The following ARSJ variants were observed in gnomAD, a reference collection of about 807,000 sequenced individuals.
ARSJ encodes the protein arylsulfatase family member J, also known as arylsulfatase J.
A neutral mutation model predicts 35.9 loss-of-function variants in ARSJ; 26 were observed. The observed-to-expected ratio is 0.72, with a 90% confidence interval of 0.53 to 1.00. The LOEUF (loss-of-function observed/expected upper bound fraction) is 1.00. ARSJ is among the 50% of genes least tolerant of loss of function. ARSJ has a pLI of 0.00. For missense variants in ARSJ, 667 were observed against 723.6 expected, an observed-to-expected ratio of 0.92 and a Z score of 0.90; for synonymous variants, 294 against 267.6, an observed-to-expected ratio of 1.10 and a Z score of -0.96.
chr4:113,924,066 AATATATATAAATATAT>A (rs1474642622), intron 1 of ARSJ, among the ~76,000 whole-genome samples: 53 of 107,302 alleles, frequency 4.9e-4, no homozygotes, highest in African/African-American at 2.2e-3. Flanking sequence ...AATATATATA[AATATATATAAATATAT>A]ATATATATAT....
At chr4:113,971,899 T>A (rs1361414881) in intron 1 of ARSJ, among the ~76,000 whole-genome samples, 1 of 152,134 alleles carries the variant, frequency 6.6e-6, no homozygotes, top group East Asian at 1.9e-4. Flanking sequence ...GGGAAATGAG[T>A]GTGTGTGTAC....
At chr4:113,945,824 T>C (rs976119531) in intron 1 of ARSJ, among the ~76,000 whole-genome samples, 1 of 152,048 alleles carries the variant, frequency 6.6e-6, no homozygotes, top group South Asian at 2.1e-4. Flanking sequence ...CTCCCTTGCT[T>C]CCTGATGAAA....
chr4:113,922,396 ATGAT>A (rs1723738881), intron 1 of ARSJ, among the ~76,000 whole-genome samples: 1 of 152,196 alleles, frequency 6.6e-6, no homozygotes, highest in African/African-American at 2.4e-5. Context: ...TTATTCTTTC[ATGAT>A]TAACTATTGT....
intron 1 of ARSJ, among the ~76,000 whole-genome samples, chr4:113,917,520 G>A (rs1723389372): frequency 6.6e-6 from 1 of 152,044 alleles, no homozygotes; most frequent in African/African-American, 2.4e-5. Flanking sequence ...ATTCTTATAT[G>A]TCACATTCAG....
intron 1 of ARSJ, among the ~76,000 whole-genome samples, chr4:113,934,003 CA>C (rs1724616624): frequency 6.6e-6 from 1 of 151,744 alleles, no homozygotes; most frequent in African/African-American, 2.4e-5. Context: ...TGAAGACTAT[CA>C]AAAAACTGTT....
Position 113,940,498 on chromosome 4 carries a change from G to A in ARSJ, c.399-36823C>T, listed in dbSNP as rs182697019. Among the ~76,000 whole-genome samples the A allele has an allele frequency of 7.9e-5, 12 of 152,058 alleles. No homozygotes were observed. In the East Asian group the frequency reaches 9.7e-4, roughly 12 times the overall value. On this transcript the variant is annotated intron_variant, in intron 1 of 1. Transcript: ENST00000315366. The stretch of plus-strand genomic sequence containing the variant: ...ACACTGGGACCTATAGGGAGTGGGC[G>A]GTCGGGGGAAGGAGAGCAACAGCAA...
At position 113,901,201 on chromosome 4, in the gene ARSJ, C is replaced by A. The variant is rs990098268; in HGVS notation, c.*1073G>T. 1 of 152,084 alleles carries A rather than the reference C, an allele frequency of 6.6e-6. No individual in the cohort carries two copies. The highest frequency in any genetic ancestry group is 1.9e-4 in the East Asian group (1 of 5,200). 9.4% of individuals were successfully genotyped at this position (152,084 alleles called of 1,614,324 possible). On this transcript the variant is annotated 3_prime_UTR_variant, in exon 2 of 2. Transcript: ENST00000315366. ...AATTTTCTAGTGCCATAAAGTAAATCATTTTAATAATTAAGATACATAAAT... is the reference window on the plus strand; with the variant it reads ...AATTTTCTAGTGCCATAAAGTAAATAATTTTAATAATTAAGATACATAAAT...
At chr4:113,950,140 G>A (rs17677473) in intron 1 of ARSJ, among the ~76,000 whole-genome samples, 20,817 of 151,990 alleles carry the variant, frequency 0.14, 1,603 homozygotes, top group East Asian at 0.33. Flanking sequence ...GTGATTACAC[G>A]GCCCTAATAA....
In ARSJ at chr4:113,903,429, A is replaced by G; in HGVS notation, c.645T>C (p.Pro215=). 6.2e-7 allele frequency: 1 copy of G among 1,614,188 alleles called. No individual in the cohort carries two copies. ...DYYTHYKCDS[P]GMCGYDLYEN... ...CATACAAGTCATAGCCACACATCCC[A>G]GGACTGTCACATTTGTAGTGTGTAT... Residue 215 remains proline, a synonymous_variant, in exon 2 of 2, where the codon CCT becomes CCC. Coordinates refer to ENST00000315366, the MANE Select transcript of ARSJ (RefSeq NM_024590.4).
chr4:113,962,195 G>T (rs1017928970), intron 1 of ARSJ, among the ~76,000 whole-genome samples: 9 of 151,938 alleles, frequency 5.9e-5, no homozygotes, highest in African/African-American at 2.2e-4. Context: ...AAGCATGCTT[G>T]CCCTAATGTA....
chr4:113,940,336 G>T (rs1323764527), intron 1 of ARSJ, among the ~76,000 whole-genome samples: 1 of 152,082 alleles, frequency 6.6e-6, no homozygotes, highest in Non-Finnish European at 1.5e-5. Flanking sequence ...CATGTCCTTT[G>T]CAGGGACATG....
intron 1 of ARSJ, among the ~76,000 whole-genome samples, chr4:113,926,386 C>G (rs912589671): frequency 6.6e-6 from 1 of 152,194 alleles, no homozygotes; most frequent in Non-Finnish European, 1.5e-5. Flanking sequence ...TTCCCTTCAC[C>G]TCTTTCCTTC....
chr4:113,924,776 GT>G (rs1723947804), intron 1 of ARSJ, among the ~76,000 whole-genome samples: 1 of 152,132 alleles, frequency 6.6e-6, no homozygotes, highest in Non-Finnish European at 1.5e-5. Flanking sequence ...GCACAAACAT[GT>G]TCTTAACAAA....
chr4:113,937,223 C>T (rs1165799783), intron 1 of ARSJ, among the ~76,000 whole-genome samples: 1 of 151,900 alleles, frequency 6.6e-6, no homozygotes, highest in African/African-American at 2.4e-5. Flanking sequence ...ACTTTTTCCA[C>T]CACTTCTGAC....
At chr4:113,912,734 AAT>A (rs777278830) in intron 1 of ARSJ, among the ~76,000 whole-genome samples, 1 of 87,654 alleles carries the variant, frequency 1.1e-5, no homozygotes, top group Non-Finnish European at 2.5e-5. Context: ...AATAAATGAG[AAT>A]GTGTGTGTGT....
In ARSJ at chr4:113,903,560, G is replaced by A; in HGVS notation, c.514C>T (p.His172Tyr). 1 of 1,614,122 alleles carries A rather than the reference G, an allele frequency of 6.2e-7. No individual in the cohort carries two copies. The highest frequency in any genetic ancestry group is 8.5e-7 in the Non-Finnish European group (1 of 1,180,000). ...CCCAAGTGCCATTTTCCGACCATAT[G>A]CGTTGAATATCCAACCTCCTTCAGT... ...QKLKEVGYSTHMVGKWHLGFY... is the reference protein window; with the variant it reads ...QKLKEVGYSTYMVGKWHLGFY... Residue 172 changes from histidine (H) to tyrosine (Y), a missense_variant, in exon 2 of 2, where the codon CAT (histidine) becomes TAT (tyrosine). By Grantham distance (83) the His-to-Tyr change is moderately conservative. Transcript: ENST00000315366.
chr4:113,961,897 CTGTGTGTGTGTGTGTGTG>C (rs60701922), intron 1 of ARSJ, among the ~76,000 whole-genome samples: 154 of 148,134 alleles, frequency 1.0e-3, no homozygotes, highest in East Asian at 4.0e-3. Context: ...CTCTCTCTCT[CTGTGTGTGTGTGTGTGTG>C]TGTGTGTGTG....
At chr4:113,930,818 A>T (rs1156835829) in intron 1 of ARSJ, among the ~76,000 whole-genome samples, 1 of 150,594 alleles carries the variant, frequency 6.6e-6, no homozygotes, top group Admixed American at 6.6e-5. Flanking sequence ...AATGTGGCAC[A>T]TATACACCAT....
chr4:113,913,134 T>C (rs963719079), intron 1 of ARSJ, among the ~76,000 whole-genome samples: 6 of 152,042 alleles, frequency 3.9e-5, no homozygotes, highest in African/African-American at 1.4e-4. Flanking sequence ...CCAGAGAAAA[T>C]GTCTCCTTTC....
Sources: gnomAD v4.1 joint callset for allele counts (sites outside exome capture counted in the v4.1 genomes callset) on GRCh38, gnomAD v4.1.1 for gene constraint, MANE v1.5 for transcripts, NCBI Gene and HGNC (gene_info 2026-07-23, HGNC 2026-07-21) for gene names.